Variants in CDH9 observed in about 807,000 individuals in gnomAD.
CDH9 encodes the protein cadherin 9.
In CDH9, 28 loss-of-function variants were observed where a neutral mutation model predicts 70.9. The ratio of observed to expected loss-of-function variants is 0.40; its 90% CI spans 0.29 to 0.54. CDH9 has a LOEUF of 0.54. Ranked by LOEUF, CDH9 falls within the 20% of genes least tolerant of loss-of-function variation. CDH9 has a pLI of 0.59. For missense variants in CDH9, 874 were observed against 984.4 expected, an observed-to-expected ratio of 0.89 and a Z score of 1.50; for synonymous variants, 409 against 343.1, an observed-to-expected ratio of 1.19 and a Z score of -2.12.
chr5:26,893,501 T>C (rs565088245), intron 7 of CDH9, among the ~76,000 whole-genome samples: 1 of 152,258 alleles, frequency 6.6e-6, no homozygotes, highest in East Asian at 1.9e-4. Context: ...ATAATCGTTA[T>C]TGTAATCTTT....
At chr5:26,991,249 C>G (rs1742575044) in intron 1 of CDH9, among the ~76,000 whole-genome samples, 1 of 152,090 alleles carries the variant, frequency 6.6e-6, no homozygotes, top group Non-Finnish European at 1.5e-5. Context: ...TTTAATGTGG[C>G]CACACACCCA....
intron 2 of CDH9, among the ~76,000 whole-genome samples, chr5:26,952,738 C>G (rs1360183966): frequency 6.7e-6 from 1 of 149,396 alleles, no homozygotes; most frequent in African/African-American, 2.5e-5. Flanking sequence ...TAGATGAATC[C>G]ACTCATGGAT....
At position 26,963,972 on chromosome 5, in the gene CDH9, A is replaced by G. The variant is rs1201297424; in HGVS notation, c.228+24134T>C. The stretch of plus-strand genomic sequence containing the variant: ...TAACTTAAAGAGCTTTTACCAAATT[A>G]TATGTGAGGTCCAAGGCAGATTTAA... On this transcript the variant is annotated intron_variant, in intron 2 of 11. Transcript: ENST00000231021. 2.6e-5 allele frequency among the ~76,000 whole-genome samples: 4 copies of G among 152,288 alleles called. No homozygotes were observed. In the East Asian group the frequency reaches 7.7e-4, roughly 29 times the overall value.
chr5:27,017,487 G>A (rs753630950), intron 1 of CDH9, among the ~76,000 whole-genome samples: 3 of 151,884 alleles, frequency 2.0e-5, no homozygotes, highest in Non-Finnish European at 2.9e-5. Flanking sequence ...AGTCCCAAAT[G>A]TCAAAACATT....
intron 2 of CDH9, among the ~76,000 whole-genome samples, chr5:26,981,445 C>T (rs1742397795): frequency 6.6e-6 from 1 of 152,192 alleles, no homozygotes; most frequent in East Asian, 1.9e-4. Context: ...TGTACATTTT[C>T]ACTAAAGGTG....
intron 2 of CDH9, among the ~76,000 whole-genome samples, chr5:26,978,542 T>C (rs1021046122): frequency 1.3e-5 from 2 of 151,650 alleles, no homozygotes; most frequent in African/African-American, 4.8e-5. Flanking sequence ...TACTTGTATT[T>C]GAAGTTTCTA....
At chr5:26,886,164 T>G (rs1740563396) in intron 9 of CDH9, 81 bp from the exon 10 acceptor site, 1 of 1,455,098 alleles carries the variant, frequency 6.9e-7, no homozygotes, top group East Asian at 2.4e-5. Flanking sequence ...ATCCATGTAT[T>G]TGTGCTTTAA....
chr5:26,995,323 A>G (rs978118145), intron 1 of CDH9, among the ~76,000 whole-genome samples: 2 of 152,174 alleles, frequency 1.3e-5, no homozygotes, highest in African/African-American at 2.4e-5. Flanking sequence ...GAAAGAGTTG[A>G]ACTGGGAGAA....
At chr5:26,922,301 G>T (rs1741259462) in intron 2 of CDH9, among the ~76,000 whole-genome samples, 1 of 151,748 alleles carries the variant, frequency 6.6e-6, no homozygotes, top group African/African-American at 2.4e-5. Context: ...AACTTCCAAG[G>T]TCAAGGACAC....
intron 1 of CDH9, among the ~76,000 whole-genome samples, chr5:27,031,745 T>C (rs1743314052): frequency 6.6e-6 from 1 of 151,892 alleles, no homozygotes; most frequent in Non-Finnish European, 1.5e-5. Context: ...CATTTTTCAA[T>C]GTAAACGGTT....
At chr5:26,940,814 T>C (rs971012784) in intron 2 of CDH9, among the ~76,000 whole-genome samples, 1 of 152,176 alleles carries the variant, frequency 6.6e-6, no homozygotes, top group Non-Finnish European at 1.5e-5. Flanking sequence ...CCTGAAAATA[T>C]TACTGTAGGA....
intron 1 of CDH9, among the ~76,000 whole-genome samples, chr5:27,032,004 G>C (rs1480070148): frequency 6.6e-6 from 1 of 151,676 alleles, no homozygotes; most frequent in Non-Finnish European, 1.5e-5. Flanking sequence ...GACATATTTA[G>C]CTATTGAAAA....
chr5:26,939,023 G>A (rs1224672267), intron 2 of CDH9, among the ~76,000 whole-genome samples: 3 of 151,968 alleles, frequency 2.0e-5, no homozygotes, highest in African/African-American at 7.2e-5. Flanking sequence ...CAATAAATTT[G>A]TAGGATTTAT....
At chr5:26,981,654 T>A (rs77567217) in intron 2 of CDH9, among the ~76,000 whole-genome samples, 1,863 of 151,936 alleles carry the variant, frequency 0.012, 20 homozygotes, top group Non-Finnish European at 0.018. Flanking sequence ...TGTGGAAAAA[T>A]TTTAAATTTT....
intron 3 of CDH9, among the ~76,000 whole-genome samples, chr5:26,910,515 C>G (rs955895721): frequency 1.3e-5 from 2 of 152,106 alleles, no homozygotes; most frequent in African/African-American, 4.8e-5. Context: ...TTCTCTTTAT[C>G]TGTATCTATG....
At chr5:26,967,708 CT>C (rs1247636791) in intron 2 of CDH9, among the ~76,000 whole-genome samples, 2 of 150,718 alleles carry the variant, frequency 1.3e-5, no homozygotes, top group Non-Finnish European at 1.5e-5. Context: ...TTTTTTACAC[CT>C]TTTTTTTTCA....
At chr5:26,911,195 C>T (rs892733215) in intron 3 of CDH9, among the ~76,000 whole-genome samples, 2 of 152,090 alleles carry the variant, frequency 1.3e-5, no homozygotes, top group African/African-American at 4.8e-5. Flanking sequence ...GTTTTTATTA[C>T]TTAATCCTCA....
chr5:26,951,147 G>A (rs543625772), intron 2 of CDH9, among the ~76,000 whole-genome samples: 110 of 151,782 alleles, frequency 7.2e-4, no homozygotes, highest in African/African-American at 2.6e-3. Context: ...CAAAAAATTA[G>A]CCAGGCATGG....
chr5:26,913,790 T>C (rs1741096852), intron 3 of CDH9, among the ~76,000 whole-genome samples: 1 of 150,958 alleles, frequency 6.6e-6, no homozygotes, highest in Admixed American at 6.6e-5. Flanking sequence ...TGTGTGTGTG[T>C]GTGCATATTT....
Sources: allele counts gnomAD v4.1 joint callset (sites outside exome capture counted in the v4.1 genomes callset), GRCh38; gene constraint gnomAD v4.1.1; transcripts MANE v1.5; gene names NCBI Gene and HGNC (gene_info 2026-07-23, HGNC 2026-07-21).